The following NUPR1 variants were observed in gnomAD, a reference collection of about 807,000 sequenced individuals.
The protein encoded by NUPR1 is nuclear protein 1.
In NUPR1, 8 loss-of-function variants were observed where a neutral mutation model predicts 7.3. The observed-to-expected ratio is 1.09, with a 90% CI of 0.64 to 1.97. The LOEUF (loss-of-function observed/expected upper bound fraction) is 1.97. Ranked by LOEUF, NUPR1 falls within the 30% of genes most tolerant of loss-of-function variation. The pLI is 0.00. For synonymous variants in NUPR1, 39 were observed against 44.5 expected (o/e 0.88, Z 0.49); for missense variants, 96 against 111.7 (o/e 0.86, Z 0.63).
rs1396719625 is a variant in NUPR1 at position 28,535,603 on chromosome 16, T to C, written c.*2080A>G. The C allele has an allele frequency of 3.9e-3, 21 of 5,432 alleles. No individual in the cohort carries two copies. Among genetic ancestry groups the C allele is most frequent in the African/African-American group, 5.0e-3 (21 of 4,182 alleles). The allele number at this position is 5,432 out of a possible 1,614,324, so 0.3% of individuals were successfully genotyped here. ...TTCTTTCTTTCTTTCTTTCTTTCTT[T>C]CTTTCTTTCTTTCTTTCTTCTCTTT... On this transcript the variant is annotated 3_prime_UTR_variant, in exon 3 of 3. Coordinates refer to ENST00000324873, the MANE Select transcript of NUPR1 (RefSeq NM_012385.3).
At position 28,535,535 on chromosome 16, in the gene NUPR1, CTTTCTTTCCTT is replaced by C. The variant is rs1567277309; in HGVS notation, c.*2137_*2147del. 2 of 76,628 alleles carry C rather than the reference CTTTCTTTCCTT, an allele frequency of 2.6e-5. No homozygotes were observed. The highest frequency in any genetic ancestry group is 4.4e-5 in the African/African-American group (1 of 22,684). 4.7% of individuals were successfully genotyped at this position (76,628 alleles called of 1,614,324 possible). On this transcript the variant is annotated 3_prime_UTR_variant, in exon 3 of 3. Coordinates refer to ENST00000324873, the MANE Select transcript of NUPR1 (RefSeq NM_012385.3). ...TCTTTCTTTCTTTCTTTCTTTCTTTCTTTCTTTCCTTCTTTCTTTCTTTCTTTCCTTCCTTC... is the reference window on the plus strand; with the variant it reads ...TCTTTCTTTCTTTCTTTCTTTCTTTCCTTTCTTTCTTTCTTTCCTTCCTTC...
rs2046591330 is a variant in NUPR1, at chr16:28,532,980, G to A, written c.*4703C>T. 1 of 152,210 alleles carries A rather than the reference G, an allele frequency of 6.6e-6. No individual in the cohort carries two copies. Among genetic ancestry groups the A allele is most frequent in the African/African-American group, 2.4e-5 (1 of 41,448 alleles). The allele number at this position is 152,210 out of a possible 1,614,324, so 9.4% of individuals were successfully genotyped here. On this transcript the variant is annotated 3_prime_UTR_variant, in exon 3 of 3. Coordinates refer to ENST00000324873, the MANE Select transcript of NUPR1 (RefSeq NM_012385.3). ...CCTATAAAACACTTCTCACAGAATA[G>A]GAGCTCCAAACACAGCAGAGATGTT...
In NUPR1 at chr16:28,535,589, TTTC is replaced by T. The variant is rs1336028348; in HGVS notation, c.*2091_*2093del. On this transcript the variant is annotated 3_prime_UTR_variant, in exon 3 of 3. Coordinates refer to ENST00000324873, the MANE Select transcript of NUPR1 (RefSeq NM_012385.3). ...CTTCCTTCCTTTCTTTCTTTCTTTC[TTTC>T]TTTCTTTCTTTCTTTCTTTCTTTCT... is the stretch of plus-strand genomic sequence containing the variant. The T allele has an allele frequency of 4.4e-3, 104 of 23,674 alleles. 3 individuals are homozygous for T. The highest frequency in any genetic ancestry group is 0.012 in the African/African-American group (101 of 8,150). 1.5% of individuals were successfully genotyped at this position (23,674 alleles called of 1,614,324 possible).
Position 28,535,576 on chromosome 16 carries a change from C to CTTTCTTTCTTTCTTTT in NUPR1, c.*2106_*2107insAAAAGAAAGAAAGAAA, listed in dbSNP as rs1567277497. Reference sequence around the variant, plus strand: ...CTTTCTTTCTTTCCTTCCTTCCTTTCTTTCTTTCTTTCTTTCTTTCTTTCT... The same window carrying CTTTCTTTCTTTCTTTT: ...CTTTCTTTCTTTCCTTCCTTCCTTTCTTTCTTTCTTTCTTTTTTTCTTTCTTTCTTTCTTTCTTTCT... On this transcript the variant is annotated 3_prime_UTR_variant, in exon 3 of 3. Transcript: ENST00000324873. 1 of 39,346 alleles carries CTTTCTTTCTTTCTTTT rather than the reference C, an allele frequency of 2.5e-5. No individual in the cohort carries two copies. Among genetic ancestry groups the CTTTCTTTCTTTCTTTT allele is most frequent in the South Asian group, 1.1e-3 (1 of 908 alleles). The allele number at this position is 39,346 out of a possible 1,614,324, so 2.4% of individuals were successfully genotyped here. A position where few individuals can be genotyped will look rare whatever the true frequency, so the allele number is the denominator to read the frequency against.
chr16:28,535,537 T>TTCTTTCTTTCTTTCTTTC lies in NUPR1; in HGVS notation c.*2145_*2146insGAAAGAAAGAAAGAAAGA. ...TTTCTTTCTTTCTTTCTTTCTTTCTTTCTTTCCTTCTTTCTTTCTTTCTTT... is the reference window on the plus strand; with the variant it reads ...TTTCTTTCTTTCTTTCTTTCTTTCTTTCTTTCTTTCTTTCTTTCTCTTTCCTTCTTTCTTTCTTTCTTT... On this transcript the variant is annotated 3_prime_UTR_variant, in exon 3 of 3. Transcript: ENST00000324873. 1 of 69,478 alleles carries TTCTTTCTTTCTTTCTTTC rather than the reference T, an allele frequency of 1.4e-5. No individual in the cohort carries two copies. The highest frequency in any genetic ancestry group is 3.2e-5 in the Non-Finnish European group (1 of 31,156). The allele number at this position is 69,478 out of a possible 1,614,324, so 4.3% of individuals were successfully genotyped here.
Position 28,535,623 on chromosome 16 carries a change from C to CTCTTTCTTCTT in NUPR1, c.*2059_*2060insAAGAAGAAAGA. The stretch of plus-strand genomic sequence containing the variant: ...TTCTTTCTTTCTTTCTTTCTTTCTT[C>CTCTTTCTTCTT]TCTTTCTCTCTCTTTCTTCTTTTTC... On this transcript the variant is annotated 3_prime_UTR_variant, in exon 3 of 3. Coordinates refer to ENST00000324873, the MANE Select transcript of NUPR1 (RefSeq NM_012385.3). 1 of 90,774 alleles carries CTCTTTCTTCTT rather than the reference C, an allele frequency of 1.1e-5. No homozygotes were observed. Among genetic ancestry groups the CTCTTTCTTCTT allele is most frequent in the African/African-American group, 4.9e-5 (1 of 20,372 alleles). The allele number at this position is 90,774 out of a possible 1,614,324, so 5.6% of individuals were successfully genotyped here.
At chr16:28,537,968 G>C (rs1422866618) in intron 2 of NUPR1, 38 bp downstream of exon 2, 1 of 1,540,404 alleles carries the variant, frequency 6.5e-7, no homozygotes, top group Non-Finnish European at 8.9e-7. Context: ...CATGGCAGAA[G>C]CACCACCTTG....
rs2046594491 is a variant in NUPR1 at position 28,533,680 on chromosome 16, G to A, written c.*4003C>T. On this transcript the variant is annotated 3_prime_UTR_variant, in exon 3 of 3. Transcript: ENST00000324873. ...GCTTCTGCACGCAGCCATCAGGGAG[G>A]AAGAGAAGGAAACATCTAAGCTGAG... The A allele has an allele frequency of 6.6e-6, 1 of 152,398 alleles. No individual in the cohort carries two copies. Among genetic ancestry groups the A allele is most frequent in the African/African-American group, 2.4e-5 (1 of 41,448 alleles). The allele number at this position is 152,398 out of a possible 1,614,324, so 9.4% of individuals were successfully genotyped here. A position where few individuals can be genotyped will look rare whatever the true frequency, so the allele number is the denominator to read the frequency against.
chr16:28,537,883 G>A (rs541597304), intron 2 of NUPR1, 123 bp downstream of exon 2: 145 of 786,302 alleles, frequency 1.8e-4, no homozygotes, highest in East Asian at 7.4e-4. Context: ...CATATGTCTC[G>A]TTTTATTCTG....
In NUPR1 at chr16:28,537,674, G is replaced by C; in HGVS notation, c.*14-5C>G. The C allele has an allele frequency of 3.9e-6, 1 of 256,494 alleles. No homozygotes were observed. Among genetic ancestry groups the C allele is most frequent in the Admixed American group, 4.9e-5 (1 of 20,208 alleles). The allele number at this position is 256,494 out of a possible 1,614,324, so 15.9% of individuals were successfully genotyped here. ...GTGTCCATGGTCTGGCCTCATCTGGGGGGTGAGGAAAAGCAGGTGGTAAAA... is the reference window on the plus strand; with the variant it reads ...GTGTCCATGGTCTGGCCTCATCTGGCGGGTGAGGAAAAGCAGGTGGTAAAA... On this transcript the variant is annotated splice_region_variant and splice_polypyrimidine_tract_variant and intron_variant, in intron 2 of 2. Transcript: ENST00000324873.
At position 28,536,522 on chromosome 16, in the gene NUPR1, C is replaced by CA. The variant is rs1000079723; in HGVS notation, c.*1160dup. 1.6e-3 allele frequency: 239 copies of CA among 148,926 alleles called. 3 individuals are homozygous for CA. Among genetic ancestry groups the CA allele is most frequent in the African/African-American group, 5.0e-3 (204 of 40,660 alleles). 9.2% of individuals were successfully genotyped at this position (148,926 alleles called of 1,614,324 possible). On this transcript the variant is annotated 3_prime_UTR_variant, in exon 3 of 3. Transcript: ENST00000324873. ...TGAGCAACAGAGTGAGACTCTGTCT[C>CA]AAAAAAAAAATTGTAGAGATGGGGT...
In NUPR1 at chr16:28,538,929, GC is replaced by G; in HGVS notation, c.-23del. The G allele has an allele frequency of 1.9e-6, 3 of 1,589,532 alleles. No individual in the cohort carries two copies. The highest frequency in any genetic ancestry group is 2.6e-6 in the Non-Finnish European group (3 of 1,161,088). On this transcript the variant is annotated 5_prime_UTR_variant, in exon 1 of 3. Transcript: ENST00000324873. ...CCATCGTGCCTGGCTTGTCTTCCCT[GC>G]CTCTCTTCTTCTCCTAACGCTTTGT...
chr16:28,533,235 T>C lies in NUPR1; in HGVS notation c.*4448A>G, dbSNP rs2046592303. 1 of 152,096 alleles carries C rather than the reference T, an allele frequency of 6.6e-6. No homozygotes were observed. Among genetic ancestry groups the C allele is most frequent in the Non-Finnish European group, 1.5e-5 (1 of 68,040 alleles). 9.4% of individuals were successfully genotyped at this position (152,096 alleles called of 1,614,324 possible). On this transcript the variant is annotated 3_prime_UTR_variant, in exon 3 of 3. Transcript: ENST00000324873. ...ATTGATTGAGTTAATATGTAACTTG[T>C]ATGGAAAGAGGAGTTGGAGGCAAAA...
chr16:28,534,487 G>C lies in NUPR1; in HGVS notation c.*3196C>G, dbSNP rs1190972674. 1 of 152,212 alleles carries C rather than the reference G, an allele frequency of 6.6e-6. No individual in the cohort carries two copies. The highest frequency in any genetic ancestry group is 1.5e-5 in the Non-Finnish European group (1 of 68,064). 9.4% of individuals were successfully genotyped at this position (152,212 alleles called of 1,614,324 possible). ...AAAGGGACAGGGGAAAAGGAAACAG[G>C]CTCTGCCCGGGGCCCAATCTCAGAG... On this transcript the variant is annotated 3_prime_UTR_variant, in exon 3 of 3. Coordinates refer to ENST00000324873, the MANE Select transcript of NUPR1 (RefSeq NM_012385.3).
rs1359794297 is a variant in NUPR1, at chr16:28,535,567, C to CTTTCTTTCTTTCTTTCCTTTCTTTCTTT, written c.*2115_*2116insAAAGAAAGAAAGGAAAGAAAGAAAGAAA. On this transcript the variant is annotated 3_prime_UTR_variant, in exon 3 of 3. Transcript: ENST00000324873. Reference sequence around the variant, plus strand: ...TCCTTCTTTCTTTCTTTCTTTCCTTCCTTCCTTTCTTTCTTTCTTTCTTTC... The same window carrying CTTTCTTTCTTTCTTTCCTTTCTTTCTTT: ...TCCTTCTTTCTTTCTTTCTTTCCTTCTTTCTTTCTTTCTTTCCTTTCTTTCTTTCTTCCTTTCTTTCTTTCTTTCTTTC... 5 of 67,432 alleles carry CTTTCTTTCTTTCTTTCCTTTCTTTCTTT rather than the reference C, an allele frequency of 7.4e-5. No homozygotes were observed. Among genetic ancestry groups the CTTTCTTTCTTTCTTTCCTTTCTTTCTTT allele is most frequent in the East Asian group, 8.5e-4 (1 of 1,176 alleles). The allele number at this position is 67,432 out of a possible 1,614,324, so 4.2% of individuals were successfully genotyped here. A position where few individuals can be genotyped will look rare whatever the true frequency, so the allele number is the denominator to read the frequency against.
rs769948973 is a variant in NUPR1 at position 28,538,816 on chromosome 16, C to G, written c.92G>C (p.Ser31Thr). 3 of 1,612,100 alleles carry G rather than the reference C, an allele frequency of 1.9e-6. No homozygotes were observed. Among genetic ancestry groups the G allele is most frequent in the Non-Finnish European group, 2.5e-6 (3 of 1,179,110 alleles). The change falls in exon 1 of 3, where the codon AGC becomes ACC. Residue 31 changes from serine to threonine, a missense_variant. Coordinates refer to ENST00000324873, the MANE Select transcript of NUPR1 (RefSeq NM_012385.3). ...CTTACCGAGGTAGGAATGGGCCAGG[C>G]TATAGAGGTCAGATTCATCCAGGCT... Reference protein sequence around the residue: ...DSSLDESDLYSLAHSYLGGGG... With the variant: ...DSSLDESDLYTLAHSYLGGGG...
intron 1 of NUPR1, chr16:28,538,507 T>A: frequency 1.8e-6 from 1 of 569,848 alleles, no homozygotes; most frequent in South Asian, 1.9e-5. Context: ...CTGGGAAACA[T>A]AGTGAGACCC....
At position 28,533,685 on chromosome 16, in the gene NUPR1, G is replaced by A. The variant is rs1182365074; in HGVS notation, c.*3998C>T. ...TGCACGCAGCCATCAGGGAGGAAGAGAAGGAAACATCTAAGCTGAGCCTCA... is the reference window on the plus strand; with the variant it reads ...TGCACGCAGCCATCAGGGAGGAAGAAAAGGAAACATCTAAGCTGAGCCTCA... On this transcript the variant is annotated 3_prime_UTR_variant, in exon 3 of 3. Coordinates refer to ENST00000324873, the MANE Select transcript of NUPR1 (RefSeq NM_012385.3). The A allele has an allele frequency of 6.6e-6, 1 of 152,370 alleles. No homozygotes were observed. Among genetic ancestry groups the A allele is most frequent in the Non-Finnish European group, 1.5e-5 (1 of 68,190 alleles). 9.4% of individuals were successfully genotyped at this position (152,370 alleles called of 1,614,324 possible).
At position 28,538,946 on chromosome 16, in the gene NUPR1, A is replaced by G. The variant is rs2046645803; in HGVS notation, c.-39T>C. The stretch of plus-strand genomic sequence containing the variant: ...TCTTCCCTGCCTCTCTTCTTCTCCT[A>G]ACGCTTTGTCTGTCTCTGCTTTCCT... On this transcript the variant is annotated 5_prime_UTR_variant, in exon 1 of 3. Transcript: ENST00000324873. 1 of 1,552,454 alleles carries G rather than the reference A, an allele frequency of 6.4e-7. No homozygotes were observed. Among genetic ancestry groups the G allele is most frequent in the Non-Finnish European group, 8.8e-7 (1 of 1,131,824 alleles).
Sources: allele counts gnomAD v4.1 joint callset, GRCh38; gene constraint gnomAD v4.1.1; transcripts MANE v1.5; gene names NCBI Gene and HGNC (gene_info 2026-07-23, HGNC 2026-07-21).